The following C1orf185 variants were observed in gnomAD, a reference collection of about 807,000 sequenced individuals.
C1orf185 encodes the protein uncharacterized protein C1orf185.
C1orf185 carries 13 observed loss-of-function variants against 16.1 expected under a neutral mutation model. That is an observed-to-expected ratio of 0.81 (90% CI 0.53 to 1.28). The LOEUF is 1.28. Among genes scored for constraint, C1orf185 ranks in the 50% most tolerant of loss-of-function variants. The pLI, the probability that C1orf185 is intolerant of heterozygous loss-of-function variation, is 0.00. For synonymous variants in C1orf185, 80 were observed against 76.9 expected (o/e 1.04, Z -0.21); for missense variants, 220 against 225.2 (o/e 0.98, Z 0.15).
At chr1:51,129,848 C>T (rs1646270054) in intron 3 of C1orf185, 1 of 152,142 alleles carries the variant, frequency 6.6e-6, no homozygotes, top group South Asian at 2.1e-4. Context: ...TCATGAGAGT[C>T]CAAGTCCTCA....
intron 2 of C1orf185, among the ~76,000 whole-genome samples, chr1:51,115,523 T>C (rs887422658): frequency 2.6e-5 from 4 of 152,170 alleles, no homozygotes; most frequent in Non-Finnish European, 5.9e-5. Flanking sequence ...CTTGTATAAA[T>C]CTTGTACATA....
In C1orf185 at chr1:51,147,739, G is replaced by A. The variant is rs966615614; in HGVS notation, c.568G>A (p.Gly190Ser). The A allele has an allele frequency of 7.8e-6, 12 of 1,547,680 alleles. No individual in the cohort carries two copies. The highest frequency in any genetic ancestry group is 1.4e-5 in the African/African-American group (1 of 72,802). ...CCTGTCAACCATTTCATTAGAAGAG[G>A]GTACTGAAAGTGTACTGAATGACAC... Reference protein sequence around the residue: ...SYLSTISLEEGTESVLNDTL With the variant: ...SYLSTISLEESTESVLNDTL The change falls in exon 5 of 5, where the codon GGT (glycine) becomes AGT (serine). Residue 190 changes from glycine to serine, a missense_variant. Coordinates refer to ENST00000371759, the MANE Select transcript of C1orf185 (RefSeq NM_001136508.2).
chr1:51,137,516 A>T (rs1350439019), intron 3 of C1orf185, among the ~76,000 whole-genome samples: 1 of 152,100 alleles, frequency 6.6e-6, no homozygotes, highest in Non-Finnish European at 1.5e-5. Context: ...CCTGGGTGAC[A>T]GAGACTCTGT....
intron 3 of C1orf185, among the ~76,000 whole-genome samples, chr1:51,132,425 C>T (rs1302990449): frequency 4.6e-5 from 7 of 152,122 alleles, no homozygotes; most frequent in Admixed American, 2.0e-4. Flanking sequence ...GAAAAACACA[C>T]TACATGAATT....
At chr1:51,141,642 T>C (rs373431596) in intron 3 of C1orf185, among the ~76,000 whole-genome samples, 1 of 152,112 alleles carries the variant, frequency 6.6e-6, no homozygotes, top group African/African-American at 2.4e-5. Flanking sequence ...AGTTATGAAC[T>C]GTGTCAAATG....
intron 3 of C1orf185, among the ~76,000 whole-genome samples, chr1:51,126,091 A>G (rs926661919): frequency 6.6e-6 from 1 of 152,124 alleles, no homozygotes; most frequent in African/African-American, 2.4e-5. Context: ...TAATTTTTCC[A>G]TTCTGGTCAG....
chr1:51,119,285 G>A (rs1348860251), intron 3 of C1orf185, among the ~76,000 whole-genome samples: 1 of 152,164 alleles, frequency 6.6e-6, no homozygotes, highest in Non-Finnish European at 1.5e-5. Context: ...AGTGAGAAAG[G>A]CAGACACCTA....
At chr1:51,146,230 G>A (rs1646399867) in intron 4 of C1orf185, among the ~76,000 whole-genome samples, 1 of 151,946 alleles carries the variant, frequency 6.6e-6, no homozygotes, top group African/African-American at 2.4e-5. Context: ...AGGTCGCGGT[G>A]GGCAGATCAC....
chr1:51,138,211 A>AAT (rs1231867408), intron 3 of C1orf185, among the ~76,000 whole-genome samples: 5 of 152,174 alleles, frequency 3.3e-5, no homozygotes, highest in South Asian at 2.1e-4. Flanking sequence ...ACAAGTTAAA[A>AAT]ATATATATAT....
intron 3 of C1orf185, among the ~76,000 whole-genome samples, chr1:51,124,958 G>T (rs1570305752): frequency 6.6e-6 from 1 of 152,176 alleles, no homozygotes; most frequent in Admixed American, 6.5e-5. Flanking sequence ...ATCTTAAAGG[G>T]TCTGTGGAAG....
intron 2 of C1orf185, among the ~76,000 whole-genome samples, chr1:51,118,405 T>C (rs1646173064): frequency 6.6e-6 from 1 of 152,198 alleles, no homozygotes; most frequent in Admixed American, 6.5e-5. Context: ...ACTGAAAATA[T>C]TAGCTCTGCA....
intron 3 of C1orf185, among the ~76,000 whole-genome samples, chr1:51,143,402 G>A (rs941516984): frequency 2.0e-5 from 3 of 152,134 alleles, no homozygotes; most frequent in Middle Eastern, 3.2e-3. Flanking sequence ...CTACGGATTC[G>A]TGGATTTCTA....
intron 3 of C1orf185, among the ~76,000 whole-genome samples, chr1:51,121,880 TCTTATATATC>T: frequency 6.6e-6 from 1 of 152,096 alleles, no homozygotes; most frequent in Non-Finnish European, 1.5e-5. Flanking sequence ...ATATTCTGAG[TCTTATATATC>T]TGTCACACCT....
At chr1:51,109,316 C>T (rs1163017689) in intron 1 of C1orf185, among the ~76,000 whole-genome samples, 1 of 152,048 alleles carries the variant, frequency 6.6e-6, no homozygotes, top group Non-Finnish European at 1.5e-5. Flanking sequence ...ATATTAATCC[C>T]TTGTCAGACG....
At chr1:51,119,674 C>A (rs1646183481) in intron 3 of C1orf185, among the ~76,000 whole-genome samples, 1 of 152,104 alleles carries the variant, frequency 6.6e-6, no homozygotes, top group African/African-American at 2.4e-5. Context: ...GTGGCTCATG[C>A]CTGTAGTCCT....
intron 1 of C1orf185, among the ~76,000 whole-genome samples, chr1:51,107,775 T>C (rs1557642015): frequency 6.6e-6 from 1 of 152,254 alleles, no homozygotes; most frequent in Non-Finnish European, 1.5e-5. Context: ...CTTCTTTTGC[T>C]CAGCATTACG....
At chr1:51,127,735 T>C (rs1416969653) in intron 3 of C1orf185, among the ~76,000 whole-genome samples, 9 of 152,218 alleles carry the variant, frequency 5.9e-5, no homozygotes, top group Admixed American at 5.9e-4. Flanking sequence ...GTTCTTTCTA[T>C]TGATAAGTGG....
At chr1:51,128,607 C>G (rs776019741) in intron 3 of C1orf185, among the ~76,000 whole-genome samples, 11 of 152,044 alleles carry the variant, frequency 7.2e-5, no homozygotes, top group Non-Finnish European at 1.3e-4. Flanking sequence ...GCAGGATAAT[C>G]GCTTGAAATT....
At chr1:51,141,585 C>G (rs149193536) in intron 3 of C1orf185, among the ~76,000 whole-genome samples, 64 of 152,184 alleles carry the variant, frequency 4.2e-4, no homozygotes, top group African/African-American at 1.4e-3. Context: ...GAAAGAGAAC[C>G]AAGAGGTGTC....
Sources: allele counts gnomAD v4.1 joint callset (sites outside exome capture counted in the v4.1 genomes callset), GRCh38; gene constraint gnomAD v4.1.1; transcripts MANE v1.5; gene names NCBI Gene and HGNC (gene_info 2026-07-23, HGNC 2026-07-21).